CCDC6: variants seen among roughly 807,000 people sequenced by gnomAD.
The protein encoded by CCDC6 is coiled-coil domain containing 6.
A neutral mutation model predicts 56.6 loss-of-function variants in CCDC6; 20 were observed. The observed-to-expected ratio is 0.35, with a 90% CI of 0.25 to 0.51. The LOEUF (loss-of-function observed/expected upper bound fraction) is 0.51, where lower values mean the gene tolerates loss of function less well. Among genes scored for constraint, CCDC6 ranks in the 20% least tolerant of loss-of-function variants. The pLI, the probability that CCDC6 is intolerant of heterozygous loss-of-function variation, is 0.95. For synonymous variants in CCDC6, 241 were observed against 234.4 expected, an observed-to-expected ratio of 1.03 and a Z score of -0.26; for missense variants, 367 against 601.1, an observed-to-expected ratio of 0.61 and a Z score of 4.07.
chr10:59,859,280 T>C (rs1406432035), intron 1 of CCDC6, among the ~76,000 whole-genome samples: 2 of 150,728 alleles, frequency 1.3e-5, no homozygotes, highest in Non-Finnish European at 3.0e-5. Context: ...AAACAAATCA[T>C]ACAAAAGACA....
intron 7 of CCDC6, among the ~76,000 whole-genome samples, chr10:59,803,103 A>T (rs1263967209): frequency 6.6e-6 from 1 of 152,174 alleles, no homozygotes; most frequent in Non-Finnish European, 1.5e-5. Context: ...TTCTGAAGAG[A>T]GATTTAATGG....
At chr10:59,882,769 G>C (rs893340433) in intron 1 of CCDC6, among the ~76,000 whole-genome samples, 1 of 152,150 alleles carries the variant, frequency 6.6e-6, no homozygotes, top group African/African-American at 2.4e-5. Context: ...GACCATTCTG[G>C]GTAACACAGT....
At chr10:59,863,394 G>C (rs796279714) in intron 1 of CCDC6, among the ~76,000 whole-genome samples, 13 of 152,312 alleles carry the variant, frequency 8.5e-5, no homozygotes, top group African/African-American at 3.1e-4. Flanking sequence ...TTCCCTCTTA[G>C]AATTCATAGA....
chr10:59,803,196 G>A (rs2070591821), intron 7 of CCDC6, among the ~76,000 whole-genome samples: 1 of 152,066 alleles, frequency 6.6e-6, no homozygotes, highest in South Asian at 2.1e-4. Context: ...ATCTCTGATA[G>A]GAAGTCCTTC....
chr10:59,861,710 A>T (rs1020285233), intron 1 of CCDC6, among the ~76,000 whole-genome samples: 2 of 152,248 alleles, frequency 1.3e-5, no homozygotes, highest in Non-Finnish European at 2.9e-5. Flanking sequence ...TCATTAGTAG[A>T]TTTGGCATGG....
chr10:59,846,261 C>T (rs2070990600), intron 2 of CCDC6, among the ~76,000 whole-genome samples: 1 of 152,166 alleles, frequency 6.6e-6, no homozygotes, highest in Non-Finnish European at 1.5e-5. Flanking sequence ...AAGTGCTAAG[C>T]CCTTTGTCCA....
intron 1 of CCDC6, among the ~76,000 whole-genome samples, chr10:59,872,260 C>T (rs2071235971): frequency 6.6e-6 from 1 of 152,228 alleles, no homozygotes; most frequent in South Asian, 2.1e-4. Flanking sequence ...TTTGAAGAAT[C>T]GTTACAATGA....
At chr10:59,864,439 G>C (rs534347929) in intron 1 of CCDC6, among the ~76,000 whole-genome samples, 46 of 152,238 alleles carry the variant, frequency 3.0e-4, no homozygotes, top group Non-Finnish European at 5.4e-4. Flanking sequence ...CCCTTTCAGT[G>C]GGCAACTGAG....
chr10:59,823,374 G>A (rs2070762264), intron 3 of CCDC6, among the ~76,000 whole-genome samples: 1 of 152,142 alleles, frequency 6.6e-6, no homozygotes, highest in Admixed American at 6.5e-5. Context: ...ATGCTGCTAC[G>A]GGGCCAGCAC....
intron 2 of CCDC6, among the ~76,000 whole-genome samples, chr10:59,835,931 T>C (rs951742450): frequency 1.9e-4 from 29 of 151,460 alleles, no homozygotes; most frequent in Non-Finnish European, 3.2e-4. Context: ...TGCGCGCACC[T>C]GTAGTCCCAG....
At chr10:59,827,766 G>GA (rs942548040) in intron 3 of CCDC6, among the ~76,000 whole-genome samples, 2 of 151,960 alleles carry the variant, frequency 1.3e-5, no homozygotes, top group Admixed American at 6.6e-5. Context: ...AGGAATAACT[G>GA]AAAAAAAGAC....
At chr10:59,859,158 A>G (rs540129059) in intron 1 of CCDC6, among the ~76,000 whole-genome samples, 18 of 151,980 alleles carry the variant, frequency 1.2e-4, no homozygotes, top group African/African-American at 3.6e-4. Flanking sequence ...GATTAATGAG[A>G]ATACAAGGAA....
chr10:59,807,177 G>C (rs548563779), intron 5 of CCDC6, 99 bp from the exon 6 acceptor site: 7 of 1,059,564 alleles, frequency 6.6e-6, no homozygotes, highest in Non-Finnish European at 8.2e-6. Context: ...CATAGACAGA[G>C]GGAATTGTTA....
chr10:59,820,393 A>G (rs1452808694), intron 3 of CCDC6, among the ~76,000 whole-genome samples: 2 of 152,202 alleles, frequency 1.3e-5, no homozygotes, highest in Admixed American at 6.5e-5. Context: ...ACTATGGGAA[A>G]ATCTGTTTTG....
Position 59,831,821 on chromosome 10 carries a change from G to A in CCDC6, c.582+704C>T, listed in dbSNP as rs560174121. Among the ~76,000 whole-genome samples the A allele has an allele frequency of 4.6e-5, 7 of 152,318 alleles. 1 individual carries two copies. The highest frequency in any genetic ancestry group is 1.7e-4 in the African/African-American group (7 of 41,570). The stretch of plus-strand genomic sequence containing the variant: ...ATAATGGGGCATACAGACCAAGTCT[G>A]GACTCCCAAGGCCAATGTTCCAACA... On this transcript the variant is annotated intron_variant, in intron 3 of 8. Transcript: ENST00000263102.
chr10:59,841,507 CTTAAGAT>C (rs140633701), intron 2 of CCDC6, among the ~76,000 whole-genome samples: 5,042 of 152,260 alleles, frequency 0.033, 106 homozygotes, highest in Middle Eastern at 0.058. Context: ...CCTGTAGATT[CTTAAGAT>C]TTAAAAGTTT....
intron 1 of CCDC6, among the ~76,000 whole-genome samples, chr10:59,894,624 G>A (rs890592713): frequency 1.3e-5 from 2 of 148,404 alleles, no homozygotes; most frequent in South Asian, 2.3e-4. Context: ...CTATTTTTAA[G>A]TAGAGATTGT....
At chr10:59,880,917 G>A (rs571975292) in intron 1 of CCDC6, among the ~76,000 whole-genome samples, 128 of 152,272 alleles carry the variant, frequency 8.4e-4, no homozygotes, top group African/African-American at 2.5e-3. Context: ...TCTGCCCAGT[G>A]CCACCTCTGT....
chr10:59,885,953 G>T (rs1412299487), intron 1 of CCDC6, among the ~76,000 whole-genome samples: 1 of 135,390 alleles, frequency 7.4e-6, no homozygotes, highest in African/African-American at 3.0e-5. Flanking sequence ...GCTGCCAGAG[G>T]CAGGAACTGT....
Sources: allele counts gnomAD v4.1 joint callset (sites outside exome capture counted in the v4.1 genomes callset), GRCh38; gene constraint gnomAD v4.1.1; transcripts MANE v1.5; gene names NCBI Gene and HGNC (gene_info 2026-07-23, HGNC 2026-07-21).